P3H4: variants seen among roughly 807,000 people sequenced by gnomAD.
P3H4 encodes the protein endoplasmic reticulum protein SC65.
P3H4 carries 47 observed loss-of-function variants against 52.9 expected under a neutral mutation model. The ratio of observed to expected loss-of-function variants is 0.89; its 90% CI spans 0.70 to 1.13. The LOEUF (loss-of-function observed/expected upper bound fraction) is 1.13. Ranked by LOEUF, P3H4 falls within the 50% of genes most tolerant of loss-of-function variation. The probability of loss-of-function intolerance (pLI) is 0.00; values close to 1 mark genes in which losing one functional copy is unlikely to be tolerated. For missense variants in P3H4, 585 were observed against 611.0 expected (o/e 0.96, Z 0.45); for synonymous variants, 256 against 267.9 (o/e 0.96, Z 0.44).
At chr17:41,803,526 C>A in intron 6 of P3H4, 95 bp from the exon 7 acceptor site, 3 of 1,111,526 alleles carry the variant, frequency 2.7e-6, no homozygotes, top group African/African-American at 1.6e-5. Context: ...CCCATCCCAT[C>A]TCTCGGTCCC....
At position 41,803,542 on chromosome 17, in the gene P3H4, C is replaced by T. The variant is rs2047640906; in HGVS notation, c.1147-111G>A. ...CCATCCCATCTCTCGGTCCCCAAAG[C>T]CCCTCCCCCTCCCCAGTCTCAAGAT... On this transcript the variant is annotated intron_variant, in intron 6 of 7. Transcript: ENST00000393928. 5.7e-6 allele frequency: 5 copies of T among 875,194 alleles called. No homozygotes were observed. In the East Asian group the frequency reaches 1.1e-4, roughly 18 times the overall value. The allele number at this position is 875,194 out of a possible 1,614,324, so 54.2% of individuals were successfully genotyped here. A position where few individuals can be genotyped will look rare whatever the true frequency, so the allele number is the denominator to read the frequency against.
intron 7 of P3H4, 135 bp from the exon 8 acceptor site, chr17:41,803,114 C>A: frequency 7.1e-7 from 1 of 1,408,330 alleles, no homozygotes; most frequent in Non-Finnish European, 9.7e-7. Context: ...AGGGGAGATG[C>A]TGCACCACCA....
intron 6 of P3H4, among the ~76,000 whole-genome samples, chr17:41,806,226 A>AT (rs1555614159): frequency 1.2e-4 from 18 of 152,100 alleles, no homozygotes; most frequent in East Asian, 3.9e-4. Context: ...CTCAAAAAAA[A>AT]AAAATAAATA....
intron 6 of P3H4, among the ~76,000 whole-genome samples, chr17:41,805,943 G>A (rs955730047): frequency 2.0e-5 from 3 of 152,064 alleles, no homozygotes; most frequent in South Asian, 2.1e-4. Context: ...TAATAGGGCC[G>A]GGTGCGGCTG....
At chr17:41,805,728 G>A (rs1382991842) in intron 6 of P3H4, among the ~76,000 whole-genome samples, 1 of 152,124 alleles carries the variant, frequency 6.6e-6, no homozygotes, top group African/African-American at 2.4e-5. Context: ...CACTTGTTTG[G>A]AGGCCACCCA....
rs782228852 is a variant in P3H4, at chr17:41,803,447, G to T, written c.1147-16C>A. ...CCAGCTCCATCTAGAGTAGCGCCACGGTTGTGGGAGAAACCGGGTCACAGT... is the reference window on the plus strand; with the variant it reads ...CCAGCTCCATCTAGAGTAGCGCCACTGTTGTGGGAGAAACCGGGTCACAGT... On this transcript the variant is annotated splice_polypyrimidine_tract_variant and intron_variant, in intron 6 of 7. Transcript: ENST00000393928. 4 of 1,611,860 alleles carry T rather than the reference G, an allele frequency of 2.5e-6. No homozygotes were observed. Among genetic ancestry groups the T allele is most frequent in the Non-Finnish European group, 3.4e-6 (4 of 1,178,928 alleles).
chr17:41,806,751 G>A lies in P3H4; in HGVS notation c.1146+45C>T, dbSNP rs782724096. The stretch of plus-strand genomic sequence containing the variant: ...CTGGTGGCCCCAGGAAAAGGTCCAA[G>A]GTGTCCCCATCACAGCCCAATCCTG... On this transcript the variant is annotated intron_variant, in intron 6 of 7. Transcript: ENST00000393928. The A allele has an allele frequency of 2.6e-6, 4 of 1,532,494 alleles. No homozygotes were observed. In the South Asian group the frequency reaches 4.6e-5, roughly 18 times the overall value. 94.9% of individuals were successfully genotyped at this position (1,532,494 alleles called of 1,614,324 possible). A position where few individuals can be genotyped will look rare whatever the true frequency, so the allele number is the denominator to read the frequency against.
chr17:41,803,261 A>C, intron 7 of P3H4, 26 bp downstream of exon 7: 1 of 1,598,516 alleles, frequency 6.3e-7, no homozygotes. Context: ...CTGCATCCCC[A>C]CCCCCCAAGG....
Position 41,811,487 on chromosome 17 carries a change from C to A in P3H4, c.429G>T (p.Leu143=). 1 of 1,612,128 alleles carries A rather than the reference C, an allele frequency of 6.2e-7. No individual in the cohort carries two copies. The highest frequency in any genetic ancestry group is 8.5e-7 in the Non-Finnish European group (1 of 1,179,688). ...GCGCGTAGTGCAGGTACTGGTAGGG[C>A]AGGCGGCTCTGGAAGTCACGCAGCA... ...RQLLRDFQSR[L]PYQYLHYALF... The change falls in exon 1 of 8, where the codon CTG becomes CTT. Residue 143 remains leucine (L), a synonymous_variant. Coordinates refer to ENST00000393928, the MANE Select transcript of P3H4 (RefSeq NM_006455.3). This position sits in a 1 kb window ranked among gnomAD's most constrained non-coding sequence, Gnocchi z 4.8.
At position 41,810,856 on chromosome 17, in the gene P3H4, C is replaced by T. The variant is rs1481691249; in HGVS notation, c.787+7G>A. 6.2e-7 allele frequency: 1 copy of T among 1,609,620 alleles called. No homozygotes were observed. Among genetic ancestry groups the T allele is most frequent in the Non-Finnish European group, 8.5e-7 (1 of 1,176,978 alleles). The stretch of plus-strand genomic sequence containing the variant: ...GGACCGCCCACCGTGGTCTGGGTGG[C>T]AGATACCTGCTATGGCCGGGTAGAA... On this transcript the variant is annotated splice_region_variant and intron_variant, in intron 3 of 7. Coordinates refer to ENST00000393928, the MANE Select transcript of P3H4 (RefSeq NM_006455.3).
At position 41,811,679 on chromosome 17, in the gene P3H4, G is replaced by A. The variant is rs1407464750; in HGVS notation, c.237C>T (p.Asn79=). The A allele has an allele frequency of 2.8e-5, 41 of 1,441,594 alleles. No individual in the cohort carries two copies. In the African/African-American group the frequency reaches 3.1e-4, roughly 11 times the overall value. 89.3% of individuals were successfully genotyped at this position (1,441,594 alleles called of 1,614,324 possible). ...TGGCCGCGGGCGCGGGGCCGCTGCA[G>A]TTGGCGTGGCAGAAGGCCTCGCTGT... The part of the protein sequence containing the change: ...LRDSEAFCHA[N]CSGPAPAAKP... Residue 79 remains asparagine (N), a synonymous_variant, in exon 1 of 8, where the codon AAC becomes AAT. Transcript: ENST00000393928. This position sits in a 1 kb window ranked among gnomAD's most constrained non-coding sequence, Gnocchi z 4.8.
At chr17:41,806,660 G>A (rs1212712598) in intron 6 of P3H4, 136 bp downstream of exon 6, 2 of 695,536 alleles carry the variant, frequency 2.9e-6, no homozygotes, top group African/African-American at 3.5e-5. Context: ...GTCTAGACAA[G>A]GAACAGGCAA....
rs201190522 is a variant in P3H4 at position 41,807,975 on chromosome 17, C to T, written c.946G>A (p.Ala316Thr). The change falls in exon 5 of 8, where the codon GCC becomes ACC. Residue 316 changes from alanine (A) to threonine (T), a missense_variant. By Grantham distance (58) the Ala-to-Thr change is moderately conservative. Coordinates refer to ENST00000393928, the MANE Select transcript of P3H4 (RefSeq NM_006455.3). The stretch of plus-strand genomic sequence containing the variant: ...GGGTCGAAGAGCATGTAGCTGGCGG[C>T]GCTGCGGGCAGCCTGGCGCACATCA... The part of the protein sequence containing the change: ...LNDVRQAARS[A>T]ASYMLFDPKD... The T allele has an allele frequency of 2.3e-5, 37 of 1,613,942 alleles. No individual in the cohort carries two copies. The highest frequency in any genetic ancestry group is 1.7e-4 in the Middle Eastern group (1 of 6,058).
In P3H4 at chr17:41,809,148, A is replaced by G. The variant is rs8072679; in HGVS notation, c.916+558T>C. On this transcript the variant is annotated intron_variant, in intron 4 of 7. Coordinates refer to ENST00000393928, the MANE Select transcript of P3H4 (RefSeq NM_006455.3). ...ATAAACTCTCAAGTGTTGGCCGGTC[A>G]TGGTGGCTCATGCCTATAATCCCAG... Among the ~76,000 whole-genome samples, 448 of 152,330 alleles carry G rather than the reference A, an allele frequency of 2.9e-3. 5 individuals carry two copies. Among genetic ancestry groups the G allele is most frequent in the African/African-American group, 9.7e-3 (405 of 41,562 alleles).
chr17:41,804,927 C>G (rs2047657582), intron 6 of P3H4, among the ~76,000 whole-genome samples: 1 of 148,596 alleles, frequency 6.7e-6, no homozygotes, highest in Non-Finnish European at 1.5e-5. Flanking sequence ...GAGCAGAGAT[C>G]GCACCACTGC....
Position 41,807,855 on chromosome 17 carries a change from C to T in P3H4, c.1062+4G>A, listed in dbSNP as rs1296286838. 2 of 1,610,266 alleles carry T rather than the reference C, an allele frequency of 1.2e-6. No individual in the cohort carries two copies. Among genetic ancestry groups the T allele is most frequent in the Non-Finnish European group, 1.7e-6 (2 of 1,178,470 alleles). ...CAGCAAGTGCCCCAGAAAGCAGTGCCCACCTCCCGGGGCTGGAAGTCCTCC... is the reference window on the plus strand; with the variant it reads ...CAGCAAGTGCCCCAGAAAGCAGTGCTCACCTCCCGGGGCTGGAAGTCCTCC... On this transcript the variant is annotated splice_donor_region_variant and intron_variant, in intron 5 of 7. Transcript: ENST00000393928.
intron 6 of P3H4, among the ~76,000 whole-genome samples, chr17:41,805,830 G>C (rs781846885): frequency 1.3e-5 from 2 of 152,102 alleles, no homozygotes; most frequent in South Asian, 2.1e-4. Context: ...TTGGATGGGT[G>C]GGGGCGTGGG....
Position 41,802,555 on chromosome 17 carries a change from T to G in P3H4, c.*402A>C. 1 of 190,828 alleles carries G rather than the reference T, an allele frequency of 5.2e-6. No homozygotes were observed. Among genetic ancestry groups the G allele is most frequent in the Non-Finnish European group, 1.0e-5 (1 of 98,430 alleles). The allele number at this position is 190,828 out of a possible 1,614,324, so 11.8% of individuals were successfully genotyped here. ...AGGCGTGAGCCACCGTGCCGGCCCG[T>G]CTTGTTTTTTTTTAAAGATGGAGTC... On this transcript the variant is annotated 3_prime_UTR_variant, in exon 8 of 8. Transcript: ENST00000393928.
chr17:41,809,649 A>T lies in P3H4; in HGVS notation c.916+57T>A, dbSNP rs2047708458. On this transcript the variant is annotated intron_variant, in intron 4 of 7. Transcript: ENST00000393928. The stretch of plus-strand genomic sequence containing the variant: ...CCACAACTCTGGGAGGCTCCCATAC[A>T]GTCCTCTCCCTTATCACCTCGTCCC... The T allele has an allele frequency of 2.5e-6, 4 of 1,577,100 alleles. No homozygotes were observed. The South Asian group carries it at 3.5e-5, about 14-fold the overall frequency.
Sources: gnomAD v4.1 joint callset for allele counts (sites outside exome capture counted in the v4.1 genomes callset) on GRCh38, gnomAD v4.1.1 for gene constraint, Gnocchi (gnomAD v3.1) non-coding constraint, MANE v1.5 for transcripts, NCBI Gene and HGNC (gene_info 2026-07-23, HGNC 2026-07-21) for gene names.